MFHAS1: variants seen among roughly 807,000 people sequenced by gnomAD.
The protein encoded by MFHAS1 is malignant fibrous histiocytoma-amplified sequence 1.
In MFHAS1, 50 loss-of-function variants were observed where a neutral mutation model predicts 70.4. That is an observed-to-expected ratio of 0.71 (90% confidence interval 0.57 to 0.90). The LOEUF is 0.90. MFHAS1 is among the 40% of genes least tolerant of loss of function. MFHAS1 has a pLI of 0.00. For missense variants in MFHAS1, 1,795 were observed against 1,347.6 expected (o/e 1.33, Z -5.20); for synonymous variants, 952 against 620.0 (o/e 1.54, Z -7.96).
At chr8:8,803,321 C>T (rs540901012) in intron 1 of MFHAS1, among the ~76,000 whole-genome samples, 1 of 151,732 alleles carries the variant, frequency 6.6e-6, no homozygotes, top group Non-Finnish European at 1.5e-5. Flanking sequence ...TCAAGACCAG[C>T]CTGGCCAACA....
intron 1 of MFHAS1, among the ~76,000 whole-genome samples, chr8:8,855,550 T>C (rs975444997): frequency 6.6e-6 from 1 of 152,202 alleles, no homozygotes; most frequent in African/African-American, 2.4e-5. Flanking sequence ...TAATCCTGAT[T>C]CATGAACTCG....
chr8:8,829,957 T>C (rs1301922470), intron 1 of MFHAS1, among the ~76,000 whole-genome samples: 1 of 152,192 alleles, frequency 6.6e-6, no homozygotes, highest in Non-Finnish European at 1.5e-5. Flanking sequence ...ACTAGAACAG[T>C]GCTTCTCAGC....
intron 1 of MFHAS1, among the ~76,000 whole-genome samples, chr8:8,865,492 G>A (rs370541369): frequency 1.3e-5 from 2 of 152,038 alleles, no homozygotes; most frequent in South Asian, 2.1e-4. Context: ...ACCCTAACTC[G>A]ATGAAAGCTA....
intron 1 of MFHAS1, among the ~76,000 whole-genome samples, chr8:8,814,251 T>G (rs1806654560): frequency 6.6e-6 from 1 of 152,198 alleles, no homozygotes. Flanking sequence ...ATTTTTTATC[T>G]TTATACTGTA....
intron 1 of MFHAS1, among the ~76,000 whole-genome samples, chr8:8,877,780 G>C (rs1047833361): frequency 3.3e-5 from 5 of 152,284 alleles, no homozygotes; most frequent in South Asian, 2.1e-4. Context: ...AATGACAAAG[G>C]GACAGGCTAG....
chr8:8,852,403 G>A (rs1158855647), intron 1 of MFHAS1, among the ~76,000 whole-genome samples: 1 of 151,996 alleles, frequency 6.6e-6, no homozygotes, highest in African/African-American at 2.4e-5. Flanking sequence ...GAACCTGGGA[G>A]GCGGAGGCTG....
chr8:8,831,959 T>C (rs534165647), intron 1 of MFHAS1, among the ~76,000 whole-genome samples: 26 of 152,108 alleles, frequency 1.7e-4, no homozygotes, highest in African/African-American at 5.5e-4. Context: ...GGAGAAAGAA[T>C]AGCTTTTTTC....
rs181542617 is a variant in MFHAS1 at position 8,847,962 on chromosome 8, G to T, written c.2998+42099C>A. Among the ~76,000 whole-genome samples the T allele has an allele frequency of 3.6e-3, 555 of 152,328 alleles. 4 individuals carry two copies. The highest frequency in any genetic ancestry group is 0.013 in the African/African-American group (523 of 41,574). On this transcript the variant is annotated intron_variant, in intron 1 of 2. Coordinates refer to ENST00000276282, the MANE Select transcript of MFHAS1 (RefSeq NM_004225.3). ...AGTATACTTGCTGTGATGCACACAT[G>T]TAACATTAAAAACACTATCCAAACA... is the stretch of plus-strand genomic sequence containing the variant.
intron 1 of MFHAS1, among the ~76,000 whole-genome samples, chr8:8,855,038 A>T (rs937221669): frequency 1.3e-5 from 2 of 152,038 alleles, no homozygotes; most frequent in Non-Finnish European, 2.9e-5. Flanking sequence ...GCCTGTCAAG[A>T]AGCTGGGACC....
chr8:8,876,766 T>A (rs991742788), intron 1 of MFHAS1, among the ~76,000 whole-genome samples: 2 of 151,932 alleles, frequency 1.3e-5, no homozygotes, highest in African/African-American at 4.8e-5. Flanking sequence ...ACCTCTTCTA[T>A]GAAGAAAAGA....
At chr8:8,842,456 G>C (rs1182751101) in intron 1 of MFHAS1, among the ~76,000 whole-genome samples, 1 of 152,158 alleles carries the variant, frequency 6.6e-6, no homozygotes, top group African/African-American at 2.4e-5. Flanking sequence ...AAAGTGCTGG[G>C]ATTGTAATAG....
At chr8:8,835,084 G>C (rs1807549068) in intron 1 of MFHAS1, among the ~76,000 whole-genome samples, 1 of 152,130 alleles carries the variant, frequency 6.6e-6, no homozygotes, top group South Asian at 2.1e-4. Flanking sequence ...GAATGTATAG[G>C]AAGCTCTCTA....
intron 2 of MFHAS1, among the ~76,000 whole-genome samples, chr8:8,793,732 C>T (rs1414451042): frequency 6.6e-6 from 1 of 152,182 alleles, no homozygotes. Context: ...GTCCTAAGGC[C>T]CCACTGGCCA....
intron 1 of MFHAS1, among the ~76,000 whole-genome samples, chr8:8,864,163 T>C (rs1450021106): frequency 6.6e-6 from 1 of 152,228 alleles, no homozygotes. Context: ...GCAACACTTG[T>C]CTCAGCAGTG....
chr8:8,823,685 T>G (rs2117308282), intron 1 of MFHAS1, among the ~76,000 whole-genome samples: 1 of 150,458 alleles, frequency 6.6e-6, no homozygotes, highest in African/African-American at 2.4e-5. Context: ...TCCCTAATTC[T>G]CCCGTCTTCA....
At chr8:8,794,529 G>A (rs1805828567) in intron 2 of MFHAS1, among the ~76,000 whole-genome samples, 1 of 152,162 alleles carries the variant, frequency 6.6e-6, no homozygotes, top group African/African-American at 2.4e-5. Context: ...GGAACACTGG[G>A]CAGCTCGAGC....
chr8:8,883,707 C>CAAAA (rs35799658), intron 1 of MFHAS1, among the ~76,000 whole-genome samples: 3,838 of 25,608 alleles, frequency 0.15, 303 homozygotes, highest in Non-Finnish European at 0.21. Context: ...GACTCAGTCT[C>CAAAA]AAAAAAAAAA....
At chr8:8,852,204 G>A (rs147903878) in intron 1 of MFHAS1, among the ~76,000 whole-genome samples, 3 of 152,258 alleles carry the variant, frequency 2.0e-5, no homozygotes, top group East Asian at 3.9e-4. Flanking sequence ...ATGTCCAGGT[G>A]CGGTGACTCA....
intron 1 of MFHAS1, among the ~76,000 whole-genome samples, chr8:8,804,908 G>A (rs917560379): frequency 1.3e-5 from 2 of 152,138 alleles, no homozygotes; most frequent in African/African-American, 4.8e-5. Context: ...GAAGACGATC[G>A]TCCTGACAGT....
Sources: allele counts gnomAD v4.1 joint callset (sites outside exome capture counted in the v4.1 genomes callset), GRCh38; gene constraint gnomAD v4.1.1; transcripts MANE v1.5; gene names NCBI Gene and HGNC (gene_info 2026-07-23, HGNC 2026-07-21).